Variants in AXDND1 observed in about 807,000 individuals in gnomAD.
The protein encoded by AXDND1 is axonemal dynein light chain domain-containing protein 1.
A neutral mutation model predicts 137.5 loss-of-function variants in AXDND1; 110 were observed. The ratio of observed to expected loss-of-function variants is 0.80; its 90% CI spans 0.69 to 0.94. The LOEUF (loss-of-function observed/expected upper bound fraction) is 0.94. Among genes scored for constraint, AXDND1 ranks in the 40% least tolerant of loss-of-function variants. The pLI, the probability that AXDND1 is intolerant of heterozygous loss-of-function variation, is 0.00. For missense variants in AXDND1, 1,191 were observed against 1,169.8 expected, an observed-to-expected ratio of 1.02 and a Z score of -0.26; for synonymous variants, 414 against 399.7, an observed-to-expected ratio of 1.04 and a Z score of -0.43.
rs955832221 is a variant in AXDND1 at position 179,437,458 on chromosome 1, C to T, written c.1563+5116C>T. Among the ~76,000 whole-genome samples the T allele has an allele frequency of 1.3e-3, 195 of 152,206 alleles. 1 individual carries two copies. Among genetic ancestry groups the T allele is most frequent in the Middle Eastern group, 3.4e-3 (1 of 294 alleles). ...CTTCAGCAAACCTTTTGGTGGCAGGCGCAGTGTGAGTTTGCTCACATCCTG... is the reference window on the plus strand; with the variant it reads ...CTTCAGCAAACCTTTTGGTGGCAGGTGCAGTGTGAGTTTGCTCACATCCTG... On this transcript the variant is annotated intron_variant, in intron 15 of 25. Transcript: ENST00000367618.
intron 25 of AXDND1, chr1:179,550,916 C>G: frequency 1.9e-6 from 1 of 517,614 alleles, no homozygotes; most frequent in South Asian, 2.1e-5. Flanking sequence ...AAAATTCTTT[C>G]CAAAGTAGAA....
At chr1:179,515,350 C>T (rs1279262567) in intron 21 of AXDND1, among the ~76,000 whole-genome samples, 3 of 152,104 alleles carry the variant, frequency 2.0e-5, no homozygotes, top group African/African-American at 7.2e-5. Flanking sequence ...TCGCTGGATA[C>T]AAAATTCTTG....
At chr1:179,395,400 C>T (rs533244130) in intron 11 of AXDND1, among the ~76,000 whole-genome samples, 198 bp downstream of exon 11, 18 of 152,152 alleles carry the variant, frequency 1.2e-4, no homozygotes, top group Non-Finnish European at 2.1e-4. Flanking sequence ...GGAGATAGAC[C>T]GTTGCTTTCT....
At position 179,374,452 on chromosome 1, in the gene AXDND1, T is replaced by G. The variant is rs183012855; in HGVS notation, c.375-4185T>G. 7.2e-5 allele frequency among the ~76,000 whole-genome samples: 11 copies of G among 152,322 alleles called. 1 individual carries two copies. The highest frequency in any genetic ancestry group is 6.5e-4 in the Admixed American group (10 of 15,294). ...AGGATCTAGAACTAGAAATACCACT[T>G]GACCCAGCAATCCCATTACTGAGTA... On this transcript the variant is annotated intron_variant, in intron 4 of 25. Transcript: ENST00000367618.
At chr1:179,437,183 G>A (rs965632400) in intron 15 of AXDND1, among the ~76,000 whole-genome samples, 2 of 151,770 alleles carry the variant, frequency 1.3e-5, no homozygotes, top group Non-Finnish European at 2.9e-5. Context: ...GGGAATAAAA[G>A]ACAAAAGAGT....
At position 179,535,241 on chromosome 1, in the gene AXDND1, T is replaced by C. The variant is rs1007590501; in HGVS notation, c.3031+279T>C. 2.6e-5 allele frequency among the ~76,000 whole-genome samples: 4 copies of C among 152,248 alleles called. No homozygotes were observed. The East Asian group carries it at 7.7e-4, about 29-fold the overall frequency. ...GGTTTTTTTTTTCTTTTTTTTATTA[T>C]ACTTTAAGTTCTGGGGAACATGTGT... On this transcript the variant is annotated intron_variant, in intron 25 of 25. Transcript: ENST00000367618.
intron 4 of AXDND1, among the ~76,000 whole-genome samples, chr1:179,373,985 A>G (rs189994137): frequency 6.6e-6 from 1 of 152,368 alleles, no homozygotes; most frequent in East Asian, 1.9e-4. Context: ...ATGGTATCTA[A>G]TTAAACTAAA....
At chr1:179,387,768 C>G (rs1649465965) in intron 9 of AXDND1, among the ~76,000 whole-genome samples, 1 of 152,152 alleles carries the variant, frequency 6.6e-6, no homozygotes, top group South Asian at 2.1e-4. Flanking sequence ...TCCAATGTCC[C>G]ATGAATCATG....
Position 179,393,896 on chromosome 1 carries a change from C to G in AXDND1, c.864-7C>G. The G allele has an allele frequency of 6.3e-7, 1 of 1,580,072 alleles. No homozygotes were observed. The highest frequency in any genetic ancestry group is 2.3e-5 in the East Asian group (1 of 43,786). On this transcript the variant is annotated splice_polypyrimidine_tract_variant and splice_region_variant and intron_variant, in intron 9 of 25. Coordinates refer to ENST00000367618, the MANE Select transcript of AXDND1 (RefSeq NM_144696.6). Reference sequence around the variant, plus strand: ...ATCTAGGAGCTTTTTGGTTGTTTGTCATGCAGAGAGAGGTATGTGCAAATG... The same window carrying G: ...ATCTAGGAGCTTTTTGGTTGTTTGTGATGCAGAGAGAGGTATGTGCAAATG...
At chr1:179,505,053 C>T (rs1231227441) in intron 20 of AXDND1, among the ~76,000 whole-genome samples, 1 of 152,208 alleles carries the variant, frequency 6.6e-6, no homozygotes, top group Non-Finnish European at 1.5e-5. Context: ...TCAAATTCAT[C>T]ACCATCCTGG....
chr1:179,504,835 T>C (rs1229042134), intron 20 of AXDND1, among the ~76,000 whole-genome samples: 2 of 152,204 alleles, frequency 1.3e-5, no homozygotes, highest in African/African-American at 4.8e-5. Flanking sequence ...CAGAGGAGGC[T>C]GAGAATCTGC....
chr1:179,476,299 A>C (rs1664615475), intron 17 of AXDND1, among the ~76,000 whole-genome samples: 1 of 152,194 alleles, frequency 6.6e-6, no homozygotes, highest in Non-Finnish European at 1.5e-5. Flanking sequence ...CTGTTTTGGC[A>C]TATATATTAC....
chr1:179,384,877 C>T (rs370642995), intron 8 of AXDND1, among the ~76,000 whole-genome samples: 2 of 151,960 alleles, frequency 1.3e-5, no homozygotes, highest in Non-Finnish European at 2.9e-5. Context: ...GATCCTCCCA[C>T]CTCAGCCTCC....
chr1:179,389,728 C>T lies in AXDND1; in HGVS notation c.864-4175C>T, dbSNP rs1649833517. Among the ~76,000 whole-genome samples the T allele has an allele frequency of 3.3e-5, 5 of 152,244 alleles. No homozygotes were observed. The South Asian group carries it at 1.0e-3, about 32-fold the overall frequency. On this transcript the variant is annotated intron_variant, in intron 9 of 25. Transcript: ENST00000367618. ...GTTTCTTCCTGCAAACTCAGTAATG[C>T]TTTGAAAAGTGTGTTCTCTTATGGA...
intron 25 of AXDND1, chr1:179,543,495 G>A (rs7529107): frequency 0.33 from 50,630 of 152,002 alleles, 8,838 homozygotes; most frequent in Middle Eastern, 0.43. Flanking sequence ...GTGCATGTTG[G>A]GGGGAGCAGG....
intron 22 of AXDND1, among the ~76,000 whole-genome samples, chr1:179,526,858 A>G (rs1670574803): frequency 6.6e-6 from 1 of 152,220 alleles, no homozygotes; most frequent in Non-Finnish European, 1.5e-5. Context: ...TTTCCCAGGA[A>G]ATTGGACACT....
At chr1:179,502,574 A>AAAAG (rs1668110396) in intron 20 of AXDND1, among the ~76,000 whole-genome samples, 1 of 151,324 alleles carries the variant, frequency 6.6e-6, no homozygotes, top group African/African-American at 2.4e-5. Flanking sequence ...AAAAAAAAAA[A>AAAAG]AAAAAAAAAA....
intron 17 of AXDND1, among the ~76,000 whole-genome samples, chr1:179,479,338 G>A (rs1665030594): frequency 6.6e-6 from 1 of 151,976 alleles, no homozygotes; most frequent in Non-Finnish European, 1.5e-5. Flanking sequence ...AGCTGGGCAT[G>A]GTGGCACATG....
chr1:179,507,268 G>A (rs1668625484), intron 20 of AXDND1, among the ~76,000 whole-genome samples: 2 of 152,100 alleles, frequency 1.3e-5, no homozygotes, highest in Non-Finnish European at 2.9e-5. Flanking sequence ...GGTTTTGAAG[G>A]AAAACTTGCT....
Sources: allele counts gnomAD v4.1 joint callset (sites outside exome capture counted in the v4.1 genomes callset), GRCh38; gene constraint gnomAD v4.1.1; transcripts MANE v1.5; gene names NCBI Gene and HGNC (gene_info 2026-07-23, HGNC 2026-07-21).